The following SLC6A11 variants were observed in gnomAD, a reference collection of about 807,000 sequenced individuals.
The protein encoded by SLC6A11 is solute carrier family 6 member 11, also known as sodium- and chloride-dependent GABA transporter 3.
Under a neutral mutation model 74.8 loss-of-function variants are expected in SLC6A11, and 25 were observed. The observed-to-expected ratio is 0.33, with a 90% CI of 0.24 to 0.47. SLC6A11 has a LOEUF of 0.47. SLC6A11 is among the 20% of genes least tolerant of loss of function. SLC6A11 has a pLI of 1.00. For synonymous variants in SLC6A11, 330 were observed against 330.2 expected (o/e 1.00, Z 0.01); for missense variants, 574 against 837.0 (o/e 0.69, Z 3.88).
chr3:10,893,002 TC>T (rs1391515140), intron 6 of SLC6A11, among the ~76,000 whole-genome samples: 1 of 152,298 alleles, frequency 6.6e-6, no homozygotes, highest in Admixed American at 6.5e-5. Flanking sequence ...ACTCTACCTC[TC>T]CTATGATGGC....
intron 6 of SLC6A11, among the ~76,000 whole-genome samples, chr3:10,885,536 G>C (rs1695032140): frequency 6.6e-6 from 1 of 151,252 alleles, no homozygotes; most frequent in South Asian, 2.1e-4. Context: ...TTACCAGCAT[G>C]TAGTGGGTAG....
At chr3:10,818,456 T>G (rs1186131093) in intron 1 of SLC6A11, among the ~76,000 whole-genome samples, 1 of 152,226 alleles carries the variant, frequency 6.6e-6, no homozygotes, top group South Asian at 2.1e-4. Context: ...TCCTTTGAGA[T>G]CCCAACAATA....
At chr3:10,920,820 T>C (rs1293014938) in intron 8 of SLC6A11, among the ~76,000 whole-genome samples, 5 of 152,214 alleles carry the variant, frequency 3.3e-5, no homozygotes, top group Non-Finnish European at 7.3e-5. Context: ...TCTGCCTTGC[T>C]TTTTTGTGTT....
chr3:10,856,336 C>A (rs1233606811), intron 5 of SLC6A11, among the ~76,000 whole-genome samples: 2 of 152,208 alleles, frequency 1.3e-5, no homozygotes. Flanking sequence ...GAGCAAGTCC[C>A]AAAAGCAGTG....
At chr3:10,823,417 C>T in intron 4 of SLC6A11, 25 bp downstream of exon 4, 2 of 1,499,202 alleles carry the variant, frequency 1.3e-6, no homozygotes, top group Non-Finnish European at 1.9e-6. Flanking sequence ...ACTTGTCTCC[C>T]TTGGCCTGTG....
chr3:10,904,189 T>G (rs541661978), intron 6 of SLC6A11, among the ~76,000 whole-genome samples: 121 of 152,356 alleles, frequency 7.9e-4, no homozygotes, highest in African/African-American at 2.1e-3. Context: ...AAATTTGTCC[T>G]TGTCCATCCA....
intron 5 of SLC6A11, among the ~76,000 whole-genome samples, chr3:10,861,215 T>C (rs1045993971): frequency 2.6e-5 from 4 of 152,152 alleles, no homozygotes; most frequent in African/African-American, 7.2e-5. Flanking sequence ...GATTAATTGA[T>C]TGAAAGAATG....
At chr3:10,870,572 G>C (rs1349576803) in intron 5 of SLC6A11, among the ~76,000 whole-genome samples, 1 of 152,218 alleles carries the variant, frequency 6.6e-6, no homozygotes, top group Admixed American at 6.5e-5. Context: ...GTATGGTTTT[G>C]ACAATGCACA....
intron 4 of SLC6A11, among the ~76,000 whole-genome samples, chr3:10,832,690 C>T (rs889388884): frequency 2.6e-5 from 4 of 152,170 alleles, no homozygotes; most frequent in Non-Finnish European, 4.4e-5. Flanking sequence ...ACTCTTAGTA[C>T]CACTCCTATT....
At chr3:10,818,034 C>T (rs1265637375) in intron 1 of SLC6A11, among the ~76,000 whole-genome samples, 6 of 149,306 alleles carry the variant, frequency 4.0e-5, no homozygotes, top group African/African-American at 1.2e-4. Context: ...GCAGAAAACA[C>T]GGTAAATTGG....
chr3:10,914,403 T>G (rs1373018707), intron 7 of SLC6A11, among the ~76,000 whole-genome samples: 2 of 152,156 alleles, frequency 1.3e-5, no homozygotes, highest in Non-Finnish European at 2.9e-5. Flanking sequence ...CTGGAATCGG[T>G]GCCATGGGAG....
At chr3:10,832,533 T>C (rs1018569094) in intron 4 of SLC6A11, among the ~76,000 whole-genome samples, 18 of 152,216 alleles carry the variant, frequency 1.2e-4, no homozygotes, top group African/African-American at 4.1e-4. Flanking sequence ...TGATTATTGT[T>C]GTAAGCAATG....
intron 4 of SLC6A11, among the ~76,000 whole-genome samples, chr3:10,839,125 C>T (rs975156965): frequency 6.6e-6 from 1 of 152,156 alleles, no homozygotes; most frequent in African/African-American, 2.4e-5. Context: ...CTCTTATCCC[C>T]CATTCCCTCC....
At chr3:10,928,812 C>A (rs1695644545) in intron 9 of SLC6A11, among the ~76,000 whole-genome samples, 1 of 152,068 alleles carries the variant, frequency 6.6e-6, no homozygotes, top group Non-Finnish European at 1.5e-5. Context: ...CCCAGCCTTG[C>A]CTCAAGGGCA....
At chr3:10,887,395 A>T (rs535455093) in intron 6 of SLC6A11, among the ~76,000 whole-genome samples, 1 of 152,238 alleles carries the variant, frequency 6.6e-6, no homozygotes, top group South Asian at 2.1e-4. Flanking sequence ...GAAGAACAAC[A>T]TTATTTTCAG....
At chr3:10,860,942 C>A (rs1448375972) in intron 5 of SLC6A11, among the ~76,000 whole-genome samples, 3 of 152,152 alleles carry the variant, frequency 2.0e-5, no homozygotes, top group Non-Finnish European at 4.4e-5. Context: ...GTCTTAAATT[C>A]AAGAGATACC....
intron 6 of SLC6A11, among the ~76,000 whole-genome samples, chr3:10,895,551 G>A (rs1180957587): frequency 6.6e-6 from 1 of 152,156 alleles, no homozygotes; most frequent in Non-Finnish European, 1.5e-5. Context: ...TGAGCAATGA[G>A]AACACATGGA....
At chr3:10,818,712 G>T (rs543696086) in intron 1 of SLC6A11, among the ~76,000 whole-genome samples, 1 of 152,324 alleles carries the variant, frequency 6.6e-6, no homozygotes, top group South Asian at 2.1e-4. Flanking sequence ...GGGACAGAAT[G>T]AGGGATTTGG....
At chr3:10,865,271 A>G (rs763110073) in intron 5 of SLC6A11, among the ~76,000 whole-genome samples, 1 of 152,232 alleles carries the variant, frequency 6.6e-6, no homozygotes, top group African/African-American at 2.4e-5. Context: ...GGAAGGTCTC[A>G]TGGACCGCCA....
Sources: allele counts gnomAD v4.1 joint callset (sites outside exome capture counted in the v4.1 genomes callset), GRCh38; gene constraint gnomAD v4.1.1; transcripts MANE v1.5; gene names NCBI Gene and HGNC (gene_info 2026-07-23, HGNC 2026-07-21).